Variants in SPATA31H1 observed in about 807,000 individuals in gnomAD.
SPATA31H1 encodes spermatogenesis-associated protein 31H1.
chr2:27,573,051 G>A, the SPATA31H1 span: 7 of 397,744 alleles, frequency 1.8e-5, no homozygotes, highest in African/African-American at 1.2e-4. Context: ...TGTAAAAACT[G>A]TAGGGTTGAA....
chr2:27,560,159 C>A, the SPATA31H1 span, among the ~76,000 whole-genome samples: 1 of 152,252 alleles, frequency 6.6e-6, no homozygotes, highest in African/African-American at 2.4e-5. Flanking sequence ...AGCCACCATG[C>A]CTGGCATTTT....
At chr2:27,564,197 G>C in the SPATA31H1 span, among the ~76,000 whole-genome samples, 1 of 152,210 alleles carries the variant, frequency 6.6e-6, no homozygotes, top group Non-Finnish European at 1.5e-5. Context: ...AATTCTCAGA[G>C]AAGGTGTTTT....
the SPATA31H1 span, among the ~76,000 whole-genome samples, chr2:27,551,582 G>A: frequency 0.2 from 30,343 of 151,922 alleles, 3,390 homozygotes; most frequent in East Asian, 0.35. Context: ...AAGAGTTGAT[G>A]TTGTAGTCTT....
chr2:27,550,071 A>G, the SPATA31H1 span, among the ~76,000 whole-genome samples: 2 of 152,116 alleles, frequency 1.3e-5, no homozygotes, highest in South Asian at 2.1e-4. Flanking sequence ...TTATTTATCT[A>G]TAGATGTTTT....
At chr2:27,540,962 A>G in the SPATA31H1 span, among the ~76,000 whole-genome samples, 2 of 129,932 alleles carry the variant, frequency 1.5e-5, no homozygotes, top group African/African-American at 6.1e-5. Flanking sequence ...CCAGGCAGAG[A>G]CGCTCCTCAC....
At chr2:27,566,710 T>G in the SPATA31H1 span, 1 of 603,542 alleles carries the variant, frequency 1.7e-6, no homozygotes, top group Non-Finnish European at 3.0e-6. Context: ...CAATGCAAAC[T>G]GAAACATTTC....
At chr2:27,547,845 C>T in the SPATA31H1 span, among the ~76,000 whole-genome samples, 1 of 151,738 alleles carries the variant, frequency 6.6e-6, no homozygotes, top group Non-Finnish European at 1.5e-5. Flanking sequence ...AACTCTCTTA[C>T]CTTATTATTT....
the SPATA31H1 span, among the ~76,000 whole-genome samples, chr2:27,548,758 T>G: frequency 6.6e-6 from 1 of 151,816 alleles, no homozygotes; most frequent in Non-Finnish European, 1.5e-5. Flanking sequence ...CTTTATTTTA[T>G]TCTGTCCATT....
At chr2:27,542,118 T>A in the SPATA31H1 span, among the ~76,000 whole-genome samples, 1 of 152,012 alleles carries the variant, frequency 6.6e-6, no homozygotes, top group Non-Finnish European at 1.5e-5. Flanking sequence ...TGTTTCTGGC[T>A]GGGCGCGGTG....
the SPATA31H1 span, among the ~76,000 whole-genome samples, chr2:27,550,196 G>A: frequency 6.8e-6 from 1 of 147,014 alleles, no homozygotes; most frequent in African/African-American, 2.5e-5. Context: ...CCTCTACAAT[G>A]TTCAATAGAG....
chr2:27,576,114 C>G, the SPATA31H1 span: 1 of 400,458 alleles, frequency 2.5e-6, no homozygotes, highest in East Asian at 3.6e-5. Flanking sequence ...GCTAAAATTG[C>G]AATGTATAGA....
chr2:27,547,470 T>C, the SPATA31H1 span, among the ~76,000 whole-genome samples: 1 of 151,964 alleles, frequency 6.6e-6, no homozygotes, highest in East Asian at 1.9e-4. Context: ...CCACCAGGCC[T>C]GGTCCCAACT....
the SPATA31H1 span, chr2:27,581,707 G>GTCCCTCTGAGAGAAGACATCACAC: frequency 6.2e-6 from 10 of 1,613,242 alleles, no homozygotes; most frequent in East Asian, 2.0e-4. Flanking sequence ...AGACATCACA[G>GTCCCTCTGAGAGAAGACATCACAC]TCCCTCTAAG....
chr2:27,548,838 C>T, the SPATA31H1 span, among the ~76,000 whole-genome samples: 57 of 151,230 alleles, frequency 3.8e-4, no homozygotes, highest in Admixed American at 1.3e-3. Context: ...TTTGGGAGGC[C>T]GAGGTGCTTG....
chr2:27,572,548 C>CT, the SPATA31H1 span: 1 of 398,338 alleles, frequency 2.5e-6, no homozygotes. Context: ...GTAAAAACCT[C>CT]TGAGTTGTCT....
chr2:27,576,843 G>A, the SPATA31H1 span: 3 of 1,614,138 alleles, frequency 1.9e-6, no homozygotes, highest in Admixed American at 3.3e-5. Context: ...TATAAAATCT[G>A]TGGAATTAGC....
At chr2:27,562,322 C>G in the SPATA31H1 span, among the ~76,000 whole-genome samples, 1 of 151,520 alleles carries the variant, frequency 6.6e-6, no homozygotes, top group Non-Finnish European at 1.5e-5. Flanking sequence ...ATAATTTAAG[C>G]CTGGGCAACA....
At chr2:27,556,216 T>C in the SPATA31H1 span, among the ~76,000 whole-genome samples, 5 of 151,522 alleles carry the variant, frequency 3.3e-5, no homozygotes, top group Non-Finnish European at 7.4e-5. Flanking sequence ...TTCTTTGTCT[T>C]CATGCTGCTT....
At chr2:27,540,454 C>CT in the SPATA31H1 span, among the ~76,000 whole-genome samples, 1 of 126,424 alleles carries the variant, frequency 7.9e-6, no homozygotes, top group African/African-American at 3.1e-5. Context: ...GGGCTCCTCA[C>CT]TTCCCAGTAG....
Sources: gnomAD v4.1 joint callset for allele counts (sites outside exome capture counted in the v4.1 genomes callset) on GRCh38, gnomAD v4.1.1 for gene constraint, MANE v1.5 for transcripts, NCBI Gene and HGNC (gene_info 2026-07-23, HGNC 2026-07-21) for gene names.